Variants in ASCC3 observed in about 807,000 individuals in gnomAD.
ASCC3 encodes activating signal cointegrator 1 complex subunit 3.
A neutral mutation model predicts 256.3 loss-of-function variants in ASCC3; 158 were observed. That is an observed-to-expected ratio of 0.62 (90% confidence interval 0.54 to 0.70). The LOEUF is 0.70. ASCC3 is among the 30% of genes least tolerant of loss of function. The pLI is 0.00. For missense variants in ASCC3, 2,259 were observed against 2,626.0 expected (o/e 0.86, Z 3.05); for synonymous variants, 948 against 883.4 (o/e 1.07, Z -1.30).
chr6:100,667,861 A>G (rs1302650125), intron 14 of ASCC3, among the ~76,000 whole-genome samples: 3 of 152,116 alleles, frequency 2.0e-5, no homozygotes, highest in Non-Finnish European at 4.4e-5. Context: ...ATGGAAAGCC[A>G]CTGAAGATTT....
intron 13 of ASCC3, among the ~76,000 whole-genome samples, chr6:100,707,134 T>A (rs184425799): frequency 6.6e-5 from 10 of 152,238 alleles, no homozygotes; most frequent in Non-Finnish European, 1.0e-4. Flanking sequence ...TTCCCATGCA[T>A]ATGATGATAT....
In ASCC3 at chr6:100,757,511, TG is replaced by T. The variant is rs1781235235; in HGVS notation, c.1737+9053del. Among the ~76,000 whole-genome samples, 3 of 150,260 alleles carry T rather than the reference TG, an allele frequency of 2.0e-5. No individual in the cohort carries two copies. In the South Asian group the frequency reaches 6.2e-4, roughly 31 times the overall value. ...CTTTAAATCATTCAGAAGAAAAATG[TG>T]GAAGAACTTCATACACTTGGGATAA... On this transcript the variant is annotated intron_variant, in intron 10 of 41. Coordinates refer to ENST00000369162, the MANE Select transcript of ASCC3 (RefSeq NM_006828.4).
intron 13 of ASCC3, among the ~76,000 whole-genome samples, chr6:100,697,542 T>C (rs1778152823): frequency 9.0e-6 from 1 of 110,814 alleles, no homozygotes; most frequent in Non-Finnish European, 1.9e-5. Context: ...AATGTAACTG[T>C]ATTAAAAAAA....
chr6:100,837,912 G>A (rs1296702652), intron 4 of ASCC3, among the ~76,000 whole-genome samples: 1 of 152,042 alleles, frequency 6.6e-6, no homozygotes, highest in East Asian at 1.9e-4. Flanking sequence ...AATGATAAAT[G>A]TATGAGGTCA....
At chr6:100,572,995 T>G (rs1485184235) in intron 36 of ASCC3, among the ~76,000 whole-genome samples, 2 of 152,160 alleles carry the variant, frequency 1.3e-5, no homozygotes, top group African/African-American at 4.8e-5. Flanking sequence ...TAAAAGGCTG[T>G]CTGTCCCTCA....
intron 8 of ASCC3, among the ~76,000 whole-genome samples, chr6:100,787,518 T>C (rs896424919): frequency 3.9e-5 from 6 of 152,098 alleles, no homozygotes; most frequent in Non-Finnish European, 8.8e-5. Context: ...GAAAATTTTG[T>C]AGAAAACAAC....
At chr6:100,602,041 C>T in intron 33 of ASCC3, 106 bp from the exon 34 acceptor site, 5 of 1,263,654 alleles carry the variant, frequency 4.0e-6, no homozygotes, top group Non-Finnish European at 5.5e-6. Flanking sequence ...AAGATAAAAA[C>T]AAATTTGTTT....
At chr6:100,819,607 G>C (rs1180478451) in intron 4 of ASCC3, among the ~76,000 whole-genome samples, 1 of 152,068 alleles carries the variant, frequency 6.6e-6, no homozygotes, top group Non-Finnish European at 1.5e-5. Flanking sequence ...GAGTCCAAAA[G>C]CTGAAGAACT....
At chr6:100,590,153 CCT>C (rs1771929541) in intron 34 of ASCC3, 94 bp from the exon 35 acceptor site, 1 of 854,924 alleles carries the variant, frequency 1.2e-6, no homozygotes, top group Admixed American at 2.1e-5. Flanking sequence ...AATATAATCC[CCT>C]TTTATTATAA....
intron 10 of ASCC3, 71 bp downstream of exon 10, chr6:100,766,494 T>C (rs1781661353): frequency 1.4e-6 from 2 of 1,422,302 alleles, no homozygotes; most frequent in African/African-American, 2.9e-5. Context: ...TAAGATATAG[T>C]CATTTAATAA....
chr6:100,632,909 G>A (rs1407374606), intron 25 of ASCC3, among the ~76,000 whole-genome samples: 3 of 152,026 alleles, frequency 2.0e-5, no homozygotes, highest in South Asian at 2.1e-4. Flanking sequence ...TGGTCTTGGC[G>A]ATGATTTTTG....
intron 25 of ASCC3, among the ~76,000 whole-genome samples, chr6:100,632,725 CA>C (rs1249783186): frequency 3.3e-5 from 5 of 152,064 alleles, no homozygotes; most frequent in Non-Finnish European, 5.9e-5. Context: ...ATACAATAAG[CA>C]AAAGATATTC....
At chr6:100,838,381 T>C (rs1235043445) in intron 4 of ASCC3, among the ~76,000 whole-genome samples, 1 of 152,046 alleles carries the variant, frequency 6.6e-6, no homozygotes. Context: ...AAATTATTCT[T>C]ACTCTGAATT....
chr6:100,769,172 T>A (rs1158539891), intron 8 of ASCC3, among the ~76,000 whole-genome samples: 1 of 151,926 alleles, frequency 6.6e-6, no homozygotes, highest in South Asian at 2.1e-4. Context: ...AAAATGTTCA[T>A]CTCATCGAAG....
intron 8 of ASCC3, among the ~76,000 whole-genome samples, chr6:100,774,766 AG>A (rs761442065): frequency 6.6e-6 from 1 of 152,052 alleles, no homozygotes; most frequent in Non-Finnish European, 1.5e-5. Context: ...AGCTTCCCAA[AG>A]CACTGAGATA....
chr6:100,604,190 A>C (rs1277700089), intron 33 of ASCC3, among the ~76,000 whole-genome samples: 1 of 152,064 alleles, frequency 6.6e-6, no homozygotes, highest in Admixed American at 6.6e-5. Flanking sequence ...TTTGATACAA[A>C]ATTTAAATAT....
chr6:100,516,934 G>A (rs919928025), intron 38 of ASCC3, among the ~76,000 whole-genome samples: 2 of 151,948 alleles, frequency 1.3e-5, no homozygotes, highest in Non-Finnish European at 2.9e-5. Context: ...TGTGTGCTAC[G>A]TGTGGTAGTA....
chr6:100,519,571 A>T (rs897509265), intron 37 of ASCC3, among the ~76,000 whole-genome samples: 3 of 152,174 alleles, frequency 2.0e-5, no homozygotes, highest in Admixed American at 6.6e-5. Context: ...ACAACTCTTA[A>T]GTCTTACAAA....
chr6:100,818,748 C>CAAAAAAAAAAAAAAAA (rs56668191), intron 4 of ASCC3, among the ~76,000 whole-genome samples: 5 of 58,106 alleles, frequency 8.6e-5, no homozygotes, highest in Non-Finnish European at 5.7e-5. Context: ...AGGCAAAAGC[C>CAAAAAAAAAAAAAAAA]AAAAAAAAAA....
Sources: gnomAD v4.1 joint callset for allele counts (sites outside exome capture counted in the v4.1 genomes callset) on GRCh38, gnomAD v4.1.1 for gene constraint, MANE v1.5 for transcripts, NCBI Gene and HGNC (gene_info 2026-07-23, HGNC 2026-07-21) for gene names.